Variants in EPS8 observed in about 807,000 individuals in gnomAD.
The protein encoded by EPS8 is epidermal growth factor receptor kinase substrate 8.
In EPS8, 42 loss-of-function variants were observed where a neutral mutation model predicts 103.8. That is an observed-to-expected ratio of 0.40 (90% confidence interval 0.32 to 0.52). The LOEUF is 0.52. Ranked by LOEUF, EPS8 falls within the 20% of genes least tolerant of loss-of-function variation. EPS8 has a pLI of 0.40. For missense variants in EPS8, 969 were observed against 1,005.1 expected (o/e 0.96, Z 0.49); for synonymous variants, 344 against 344.6 (o/e 1.00, Z 0.02).
intron 3 of EPS8, among the ~76,000 whole-genome samples, chr12:15,678,664 T>C (rs1399245474): frequency 1.3e-5 from 2 of 152,172 alleles, no homozygotes; most frequent in Non-Finnish European, 2.9e-5. Context: ...TTTTCTAGGC[T>C]GGTCTCAAAC....
chr12:15,788,547 T>C (rs980053654), intron 1 of EPS8, among the ~76,000 whole-genome samples: 1 of 152,148 alleles, frequency 6.6e-6, no homozygotes, highest in Non-Finnish European at 1.5e-5. Flanking sequence ...TTCAAATGCA[T>C]GAACTGACCA....
rs748072493 is a variant in EPS8, at chr12:15,640,651, G to C, written c.1821+52C>G. On this transcript the variant is annotated intron_variant, in intron 17 of 20. Transcript: ENST00000281172. ...AGGTGTTTAAATCCTACTTAAGAGT[G>C]ATAACTTCGTAAATGTGTACATACT... The C allele has an allele frequency of 7.2e-5, 110 of 1,533,292 alleles. No homozygotes were observed. The East Asian group carries it at 8.6e-4, about 12-fold the overall frequency. 95.0% of individuals were successfully genotyped at this position (1,533,292 alleles called of 1,614,324 possible). A position where few individuals can be genotyped will look rare whatever the true frequency, so the allele number is the denominator to read the frequency against.
intron 15 of EPS8, among the ~76,000 whole-genome samples, chr12:15,642,236 T>C (rs61908094): frequency 0.053 from 8,013 of 152,158 alleles, 298 homozygotes; most frequent in Non-Finnish European, 0.069. Context: ...GTGGTAATTT[T>C]AGTTATATGT....
At chr12:15,658,871 C>A (rs1565484283) in intron 10 of EPS8, among the ~76,000 whole-genome samples, 1 of 152,044 alleles carries the variant, frequency 6.6e-6, no homozygotes, top group Non-Finnish European at 1.5e-5. Context: ...ACTGACAAGC[C>A]CTGCTCTAAG....
rs760389216 is a variant in EPS8 at position 15,669,768 on chromosome 12, T to C, written c.262A>G (p.Ile88Val). ...GCATCAAGCAATTTCAATTTCCTTA[T>C]TCCATCATCAACAGTGATCATAGCA... The part of the protein sequence containing the change: ...KDAMITVDDG[I>V]RKLKLLDAKG... Residue 88 changes from isoleucine to valine, a missense_variant, in exon 5 of 21, where the codon ATA becomes GTA. Physicochemically the swap from Ile to Val is conservative, Grantham distance 29. Coordinates refer to ENST00000281172, the MANE Select transcript of EPS8 (RefSeq NM_004447.6). 2.1e-5 allele frequency: 34 copies of C among 1,613,614 alleles called. No individual in the cohort carries two copies. The highest frequency in any genetic ancestry group is 2.8e-5 in the Non-Finnish European group (33 of 1,179,842).
Position 15,701,816 on chromosome 12 carries a change from CAT to C in EPS8, c.-21-18846_-21-18845del, listed in dbSNP as rs1368886905. On this transcript the variant is annotated intron_variant, in intron 1 of 20. Transcript: ENST00000281172. The surrounding 1 kb of genome is among the most constrained non-coding windows in gnomAD (Gnocchi z 5.1). ...ACGGCCCTTAGGGGAAGAAAAATAA[CAT>C]AACATTTCCTTCTTCAAAATAACAA... Among the ~76,000 whole-genome samples, 9 of 152,086 alleles carry C rather than the reference CAT, an allele frequency of 5.9e-5. No individual in the cohort carries two copies. Among genetic ancestry groups the C allele is most frequent in the East Asian group, 1.9e-4 (1 of 5,196 alleles).
At chr12:15,773,366 T>C (rs905664540) in intron 1 of EPS8, among the ~76,000 whole-genome samples, 22 of 152,272 alleles carry the variant, frequency 1.4e-4, no homozygotes, top group Middle Eastern at 3.4e-3. Flanking sequence ...AGTTGAAAAT[T>C]AGAAGGCAAT....
rs1946896834 is a variant in EPS8 at position 15,748,380 on chromosome 12, A to ATGAGGATT, written c.-22+40780_-22+40781insAATCCTCA. 6.6e-6 allele frequency among the ~76,000 whole-genome samples: 1 copy of ATGAGGATT among 152,222 alleles called. No individual in the cohort carries two copies. Among genetic ancestry groups the ATGAGGATT allele is most frequent in the African/African-American group, 2.4e-5 (1 of 41,444 alleles). ...ATAAATTCACCTAGTAGGAAAACTA[A>ATGAGGATT]AGTGATGAGGATTAGAAAGGAAAGA... On this transcript the variant is annotated intron_variant, in intron 1 of 20. Coordinates refer to ENST00000281172, the MANE Select transcript of EPS8 (RefSeq NM_004447.6). This position sits in a 1 kb window ranked among gnomAD's most constrained non-coding sequence, Gnocchi z 4.8.
In EPS8 at chr12:15,742,163, G is replaced by A. The variant is rs933119746; in HGVS notation, c.-22+46998C>T. 8.5e-5 allele frequency among the ~76,000 whole-genome samples: 13 copies of A among 152,090 alleles called. 1 individual carries two copies. Among genetic ancestry groups the A allele is most frequent in the Admixed American group, 7.2e-4 (11 of 15,274 alleles). On this transcript the variant is annotated intron_variant, in intron 1 of 20. Transcript: ENST00000281172. ...ACTCTTTGCTATTGTGAATAGTGCC[G>A]CTATAAACATATGTGTGCATGTGTC...
intron 15 of EPS8, among the ~76,000 whole-genome samples, chr12:15,645,510 G>T (rs1474157316): frequency 6.6e-6 from 1 of 151,930 alleles, no homozygotes; most frequent in Non-Finnish European, 1.5e-5. Flanking sequence ...TGAGCTAACT[G>T]AATCTATTTT....
chr12:15,660,328 A>G (rs1261645447), intron 10 of EPS8, among the ~76,000 whole-genome samples: 1 of 148,590 alleles, frequency 6.7e-6, no homozygotes, highest in Non-Finnish European at 1.5e-5. Context: ...CAATGGTGTG[A>G]TCTTAGCTCA....
rs1446041426 is a variant in EPS8 at position 15,654,329 on chromosome 12, C to A, written c.1102-36G>T. 3 of 1,595,080 alleles carry A rather than the reference C, an allele frequency of 1.9e-6. No individual in the cohort carries two copies. In the East Asian group the frequency reaches 6.7e-5, roughly 36 times the overall value. On this transcript the variant is annotated intron_variant, in intron 12 of 20. Coordinates refer to ENST00000281172, the MANE Select transcript of EPS8 (RefSeq NM_004447.6). ...AAACCATTTTTTAGCAAGAAGATTA[C>A]TATTCTTTGTGTATTTTCAAAATGT...
intron 8 of EPS8, among the ~76,000 whole-genome samples, chr12:15,663,953 A>T (rs1218183358): frequency 3.7e-4 from 10 of 27,336 alleles, no homozygotes; most frequent in African/African-American, 2.1e-3. Flanking sequence ...AAAATAATAT[A>T]TATATATATA....
intron 1 of EPS8, among the ~76,000 whole-genome samples, chr12:15,770,310 A>C (rs1008790188): frequency 6.6e-6 from 1 of 151,390 alleles, no homozygotes; most frequent in African/African-American, 2.4e-5. Flanking sequence ...AAAAAGAAGA[A>C]GAAGGGAAAG....
In EPS8 at chr12:15,695,863, T is replaced by C. The variant is rs1239766761; in HGVS notation, c.-21-12891A>G. 1.3e-5 allele frequency among the ~76,000 whole-genome samples: 2 copies of C among 152,280 alleles called. No individual in the cohort carries two copies. Among genetic ancestry groups the C allele is most frequent in the Admixed American group, 1.3e-4 (2 of 15,290 alleles). On this transcript the variant is annotated intron_variant, in intron 1 of 20. Transcript: ENST00000281172. The surrounding 1 kb of genome is among the most constrained non-coding windows in gnomAD (Gnocchi z 5.0). The stretch of plus-strand genomic sequence containing the variant: ...GGTGGCAGGCACCTGTAATCCCAGC[T>C]ACTCGGGAGGCTGAGACAGGAGAAT...
At chr12:15,718,630 C>A (rs1162234532) in intron 1 of EPS8, among the ~76,000 whole-genome samples, 1 of 152,092 alleles carries the variant, frequency 6.6e-6, no homozygotes, top group Non-Finnish European at 1.5e-5. Flanking sequence ...AACTCCCATC[C>A]CCTGTAATTA....
Position 15,745,949 on chromosome 12 carries a change from G to A in EPS8, c.-22+43212C>T, listed in dbSNP as rs981669742. 6.6e-6 allele frequency among the ~76,000 whole-genome samples: 1 copy of A among 152,142 alleles called. No individual in the cohort carries two copies. The highest frequency in any genetic ancestry group is 2.4e-5 in the African/African-American group (1 of 41,418). On this transcript the variant is annotated intron_variant, in intron 1 of 20. Transcript: ENST00000281172. The surrounding 1 kb of genome is among the most constrained non-coding windows in gnomAD (Gnocchi z 4.6). ...ATAAAATCTCACAAAGCCTTATGAG[G>A]GTTGAAGAGTTACACCATTTTCTTT... is the stretch of plus-strand genomic sequence containing the variant.
chr12:15,768,582 T>A (rs896439371), intron 1 of EPS8, among the ~76,000 whole-genome samples: 2 of 152,012 alleles, frequency 1.3e-5, no homozygotes, highest in Non-Finnish European at 2.9e-5. Context: ...ATACATTAAG[T>A]CACGGAATTT....
In EPS8 at chr12:15,751,194, C is replaced by T. The variant is rs1027704383; in HGVS notation, c.-22+37967G>A. On this transcript the variant is annotated intron_variant, in intron 1 of 20. Transcript: ENST00000281172. The surrounding 1 kb of genome is among the most constrained non-coding windows in gnomAD (Gnocchi z 4.3). ...CCAACATAGTGAAACTCTGTCTCTACTAAAAATATAAAAATTAGCCACACG... is the reference window on the plus strand; with the variant it reads ...CCAACATAGTGAAACTCTGTCTCTATTAAAAATATAAAAATTAGCCACACG... Among the ~76,000 whole-genome samples, 1 of 152,034 alleles carries T rather than the reference C, an allele frequency of 6.6e-6. No homozygotes were observed. The highest frequency in any genetic ancestry group is 2.4e-5 in the African/African-American group (1 of 41,376).
Sources: gnomAD v4.1 joint callset for allele counts (sites outside exome capture counted in the v4.1 genomes callset) on GRCh38, gnomAD v4.1.1 for gene constraint, Gnocchi (gnomAD v3.1) non-coding constraint, MANE v1.5 for transcripts, NCBI Gene and HGNC (gene_info 2026-07-23, HGNC 2026-07-21) for gene names.